The following NDUFAF2 variants were observed in gnomAD, a reference collection of about 807,000 sequenced individuals.
NDUFAF2 encodes NADH:ubiquinone oxidoreductase complex assembly factor 2.
A neutral mutation model predicts 22.8 loss-of-function variants in NDUFAF2; 13 were observed. The ratio of observed to expected loss-of-function variants is 0.57; its 90% CI spans 0.37 to 0.91. The LOEUF (loss-of-function observed/expected upper bound fraction) is 0.91, where lower values mean the gene tolerates loss of function less well. Ranked by LOEUF, NDUFAF2 falls within the 40% of genes least tolerant of loss-of-function variation. The pLI is 0.01. For missense variants in NDUFAF2, 162 were observed against 195.2 expected (o/e 0.83, Z 1.01); for synonymous variants, 53 against 64.2 (o/e 0.83, Z 0.84).
At chr5:60,994,550 A>G (rs556263017) in intron 1 of NDUFAF2, among the ~76,000 whole-genome samples, 1 of 152,300 alleles carries the variant, frequency 6.6e-6, no homozygotes, top group East Asian at 1.9e-4. Context: ...ACCACTCCAG[A>G]TGGCCGCTGC....
chr5:60,956,502 A>G (rs1750617815), intron 1 of NDUFAF2, among the ~76,000 whole-genome samples: 1 of 152,088 alleles, frequency 6.6e-6, no homozygotes, highest in South Asian at 2.1e-4. Flanking sequence ...TATGGCCTTC[A>G]TTATGTTGAG....
At chr5:61,078,025 G>A (rs1042506470) in intron 2 of NDUFAF2, among the ~76,000 whole-genome samples, 11 of 152,072 alleles carry the variant, frequency 7.2e-5, no homozygotes, top group Admixed American at 4.6e-4. Context: ...TATTACTCAA[G>A]TTTTGGAGTA....
intron 1 of NDUFAF2, among the ~76,000 whole-genome samples, chr5:61,034,859 T>C (rs929278987): frequency 6.6e-6 from 1 of 152,100 alleles, no homozygotes; most frequent in African/African-American, 2.4e-5. Flanking sequence ...TGCTTTTATA[T>C]GTGAATTCAT....
chr5:61,128,352 G>T (rs1036026693), intron 3 of NDUFAF2, among the ~76,000 whole-genome samples: 1 of 152,106 alleles, frequency 6.6e-6, no homozygotes, highest in African/African-American at 2.4e-5. Flanking sequence ...TCAATCCTAA[G>T]CTAAAAGAAC....
At chr5:61,141,000 G>A (rs571317649) in intron 3 of NDUFAF2, among the ~76,000 whole-genome samples, 19 of 152,212 alleles carry the variant, frequency 1.2e-4, no homozygotes, top group South Asian at 8.3e-4. Context: ...AGGCCAAGGC[G>A]GGCGGATCAC....
chr5:61,016,222 C>T (rs1221542637), intron 1 of NDUFAF2, among the ~76,000 whole-genome samples: 1 of 151,808 alleles, frequency 6.6e-6, no homozygotes, highest in Non-Finnish European at 1.5e-5. Flanking sequence ...AAATGATTTA[C>T]CTTTGGGATT....
chr5:61,150,316 T>C (rs1431496162), intron 3 of NDUFAF2, among the ~76,000 whole-genome samples: 1 of 152,192 alleles, frequency 6.6e-6, no homozygotes, highest in Non-Finnish European at 1.5e-5. Flanking sequence ...CCAGTTATGT[T>C]TTTGGTACCA....
intron 1 of NDUFAF2, among the ~76,000 whole-genome samples, chr5:60,991,667 G>A (rs1751159887): frequency 6.6e-6 from 1 of 152,038 alleles, no homozygotes; most frequent in Non-Finnish European, 1.5e-5. Flanking sequence ...TATCCATTGT[G>A]TATATGTACC....
chr5:61,026,771 T>G (rs1751655216), intron 1 of NDUFAF2, among the ~76,000 whole-genome samples: 1 of 152,072 alleles, frequency 6.6e-6, no homozygotes, highest in Non-Finnish European at 1.5e-5. Context: ...AATTATTTCA[T>G]TTTCAAGTGT....
intron 1 of NDUFAF2, chr5:61,050,646 A>G (rs1752014077): frequency 6.6e-6 from 1 of 152,198 alleles, no homozygotes; most frequent in African/African-American, 2.4e-5. Flanking sequence ...GGTAAGGTGA[A>G]GGATTTAGCA....
intron 1 of NDUFAF2, among the ~76,000 whole-genome samples, chr5:61,054,764 G>A (rs923097487): frequency 1.2e-4 from 19 of 152,182 alleles, no homozygotes; most frequent in Non-Finnish European, 2.4e-4. Flanking sequence ...TCAGGGACTA[G>A]ATGCTAAGCT....
At chr5:61,095,443 G>A (rs1345152628) in intron 2 of NDUFAF2, among the ~76,000 whole-genome samples, 1 of 152,198 alleles carries the variant, frequency 6.6e-6, no homozygotes, top group African/African-American at 2.4e-5. Context: ...CTAAGCCAGT[G>A]GGTCTTGTCC....
chr5:61,118,925 G>A (rs1477400927), intron 3 of NDUFAF2, among the ~76,000 whole-genome samples: 1 of 152,200 alleles, frequency 6.6e-6, no homozygotes, highest in Non-Finnish European at 1.5e-5. Flanking sequence ...CTTTGGTCAT[G>A]TCTGTAGTGT....
intron 1 of NDUFAF2, among the ~76,000 whole-genome samples, chr5:61,013,554 A>C (rs918720656): frequency 7.2e-5 from 11 of 152,116 alleles, no homozygotes; most frequent in African/African-American, 2.2e-4. Flanking sequence ...GAAGATTTTG[A>C]ATAAAGCCAG....
intron 1 of NDUFAF2, among the ~76,000 whole-genome samples, chr5:61,036,125 A>G (rs550315000): frequency 2.3e-4 from 35 of 152,346 alleles, no homozygotes; most frequent in African/African-American, 8.2e-4. Flanking sequence ...TGTTAAGGGC[A>G]GGCCTGGAAG....
chr5:61,022,281 A>T (rs979832391), intron 1 of NDUFAF2, among the ~76,000 whole-genome samples: 1 of 152,164 alleles, frequency 6.6e-6, no homozygotes, highest in African/African-American at 2.4e-5. Context: ...GTGTTTACCA[A>T]TATCTTTTCT....
intron 1 of NDUFAF2, among the ~76,000 whole-genome samples, chr5:60,987,448 A>G (rs1410066780): frequency 6.6e-6 from 1 of 152,210 alleles, no homozygotes; most frequent in East Asian, 1.9e-4. Flanking sequence ...TTATTCTGAT[A>G]CCAAAATTGG....
At chr5:60,957,982 G>A (rs1383337029) in intron 1 of NDUFAF2, among the ~76,000 whole-genome samples, 1 of 152,160 alleles carries the variant, frequency 6.6e-6, no homozygotes, top group Non-Finnish European at 1.5e-5. Flanking sequence ...GGACTTGACT[G>A]TTAACATTTG....
At chr5:61,134,556 C>T (rs1007334849) in intron 3 of NDUFAF2, among the ~76,000 whole-genome samples, 1 of 152,008 alleles carries the variant, frequency 6.6e-6, no homozygotes, top group South Asian at 2.1e-4. Context: ...CGTGGTGGCA[C>T]GTGCCTGTAG....
Sources: allele counts gnomAD v4.1 joint callset (sites outside exome capture counted in the v4.1 genomes callset), GRCh38; gene constraint gnomAD v4.1.1; transcripts MANE v1.5; gene names NCBI Gene and HGNC (gene_info 2026-07-23, HGNC 2026-07-21).